Variants in FAR1 observed in about 807,000 individuals in gnomAD.
FAR1 encodes fatty acyl-CoA reductase 1.
A neutral mutation model predicts 61.1 loss-of-function variants in FAR1; 22 were observed. The observed-to-expected ratio is 0.36, with a 90% CI of 0.26 to 0.51. The LOEUF (loss-of-function observed/expected upper bound fraction) is 0.51, where lower values mean the gene tolerates loss of function less well. FAR1 is among the 20% of genes least tolerant of loss of function. The pLI is 0.95. For missense variants in FAR1, 359 were observed against 626.9 expected (o/e 0.57, Z 4.56); for synonymous variants, 206 against 209.7 (o/e 0.98, Z 0.15).
chr11:13,710,334 C>A (rs1490143169), intron 4 of FAR1, among the ~76,000 whole-genome samples: 1 of 151,954 alleles, frequency 6.6e-6, no homozygotes, highest in Non-Finnish European at 1.5e-5. Context: ...TAAGAAAAAA[C>A]TTTAACTTGA....
In FAR1 at chr11:13,698,602, G is replaced by T. The variant is rs189988272; in HGVS notation, c.190-1715G>T. 5.5e-4 allele frequency among the ~76,000 whole-genome samples: 84 copies of T among 152,126 alleles called. No individual in the cohort carries two copies. In the East Asian group the frequency reaches 0.014, roughly 25 times the overall value. ...TCCCAGCGCTTTGGGAGGTCAAGGT[G>T]GGGGGATCATGAGGTCAGGAGATCG... On this transcript the variant is annotated intron_variant, in intron 2 of 11. Transcript: ENST00000354817.
chr11:13,718,395 T>C (rs1848576376), intron 9 of FAR1, among the ~76,000 whole-genome samples: 3 of 152,232 alleles, frequency 2.0e-5, no homozygotes, highest in African/African-American at 4.8e-5. Context: ...TAGTACACTT[T>C]CTATATTCCA....
intron 4 of FAR1, 63 bp downstream of exon 4, chr11:13,708,142 T>A: frequency 8.2e-7 from 1 of 1,218,622 alleles, no homozygotes. Context: ...GGCGGGCGGA[T>A]CATGAGGTCA....
Position 13,685,395 on chromosome 11 carries a change from C to T in FAR1, c.-7-9364C>T, listed in dbSNP as rs572655476. 5.0e-5 allele frequency: 9 copies of T among 178,874 alleles called. No individual in the cohort carries two copies. In the South Asian group the frequency reaches 7.0e-4, roughly 14 times the overall value. The allele number at this position is 178,874 out of a possible 1,614,324, so 11.1% of individuals were successfully genotyped here. On this transcript the variant is annotated intron_variant, in intron 1 of 11. Coordinates refer to ENST00000354817, the MANE Select transcript of FAR1 (RefSeq NM_032228.6). Reference sequence around the variant, plus strand: ...GAGAAAAAATATATTCCCAATAAGACGTGTCCAACTGTCCAGATAGTGGTG... The same window carrying T: ...GAGAAAAAATATATTCCCAATAAGATGTGTCCAACTGTCCAGATAGTGGTG...
intron 2 of FAR1, among the ~76,000 whole-genome samples, chr11:13,695,810 T>C (rs1848301425): frequency 6.6e-6 from 1 of 152,240 alleles, no homozygotes; most frequent in Admixed American, 6.5e-5. Context: ...GATAGTTCTT[T>C]GGAATTAATT....
chr11:13,681,697 G>A (rs917348410), intron 1 of FAR1, among the ~76,000 whole-genome samples: 8 of 152,266 alleles, frequency 5.3e-5, no homozygotes, highest in South Asian at 2.1e-4. Flanking sequence ...GCTAAAGTCC[G>A]GAGCTAGAAC....
intron 1 of FAR1, among the ~76,000 whole-genome samples, chr11:13,686,038 C>T (rs1485926296): frequency 4.6e-5 from 7 of 152,272 alleles, no homozygotes; most frequent in Admixed American, 4.6e-4. Flanking sequence ...TGATGTGATG[C>T]CTTGACCTCG....
intron 1 of FAR1, among the ~76,000 whole-genome samples, chr11:13,687,697 G>T (rs913290829): frequency 2.6e-5 from 4 of 152,058 alleles, no homozygotes; most frequent in Non-Finnish European, 2.9e-5. Context: ...AAATTAGTGC[G>T]GCTTTCCTTT....
intron 9 of FAR1, among the ~76,000 whole-genome samples, chr11:13,716,748 A>C (rs1488304602): frequency 1.3e-5 from 2 of 152,072 alleles, no homozygotes; most frequent in Non-Finnish European, 2.9e-5. Context: ...AATCTTCTTA[A>C]ATTTTTTTTC....
At chr11:13,686,846 T>C (rs928305432) in intron 1 of FAR1, among the ~76,000 whole-genome samples, 2 of 152,224 alleles carry the variant, frequency 1.3e-5, no homozygotes, top group Non-Finnish European at 2.9e-5. Context: ...GAGAATACAA[T>C]CATGTTACAA....
chr11:13,679,177 C>T (rs975518018), intron 1 of FAR1, among the ~76,000 whole-genome samples: 2 of 149,946 alleles, frequency 1.3e-5, no homozygotes, highest in African/African-American at 4.9e-5. Flanking sequence ...TTTGGTAGTA[C>T]AGTTAAAATA....
chr11:13,687,121 T>A (rs1439966031), intron 1 of FAR1, among the ~76,000 whole-genome samples: 1 of 152,064 alleles, frequency 6.6e-6, no homozygotes, highest in Non-Finnish European at 1.5e-5. Context: ...TATGTGATAA[T>A]TTTTTTTACA....
intron 3 of FAR1, among the ~76,000 whole-genome samples, chr11:13,705,337 G>A (rs929835049): frequency 6.6e-6 from 1 of 152,006 alleles, no homozygotes; most frequent in Admixed American, 6.6e-5. Context: ...AACTAGCCTG[G>A]CAGAGAGATA....
At chr11:13,724,816 G>T (rs928491895) in intron 10 of FAR1, among the ~76,000 whole-genome samples, 4 of 152,104 alleles carry the variant, frequency 2.6e-5, no homozygotes, top group African/African-American at 9.7e-5. Flanking sequence ...TCTCAGTTTG[G>T]ACTAGCCATA....
At chr11:13,703,257 C>T (rs530569249) in intron 3 of FAR1, among the ~76,000 whole-genome samples, 17 of 152,284 alleles carry the variant, frequency 1.1e-4, no homozygotes, top group African/African-American at 3.9e-4. Flanking sequence ...AATCATGGCT[C>T]ACTGCAGCCT....
rs564179840 is a variant in FAR1, at chr11:13,687,090, T to A, written c.-7-7669T>A. ...AAGTAGCTTTGTATTATGTTTCTCT[T>A]AGTGCATTTATAAATGCAAATATGT... On this transcript the variant is annotated intron_variant, in intron 1 of 11. Transcript: ENST00000354817. Among the ~76,000 whole-genome samples, 30 of 152,322 alleles carry A rather than the reference T, an allele frequency of 2.0e-4. No individual in the cohort carries two copies. In the East Asian group the frequency reaches 5.8e-3, roughly 29 times the overall value.
chr11:13,708,385 T>TTTGGA (rs1240095170), intron 4 of FAR1, among the ~76,000 whole-genome samples: 13 of 149,954 alleles, frequency 8.7e-5, no homozygotes, highest in Non-Finnish European at 1.8e-4. Flanking sequence ...AAAAAAAACC[T>TTTGGA]TTGGATTCAA....
chr11:13,679,458 T>C (rs1848102157), intron 1 of FAR1, among the ~76,000 whole-genome samples: 1 of 152,154 alleles, frequency 6.6e-6, no homozygotes, highest in African/African-American at 2.4e-5. Context: ...CTTAACTAAT[T>C]GTTAGAACTA....
At chr11:13,688,356 T>G (rs1050181507) in intron 1 of FAR1, among the ~76,000 whole-genome samples, 6 of 152,182 alleles carry the variant, frequency 3.9e-5, no homozygotes, top group Non-Finnish European at 7.3e-5. Context: ...CAAGCAATCT[T>G]TATTCTGTTA....
Sources: gnomAD v4.1 joint callset for allele counts (sites outside exome capture counted in the v4.1 genomes callset) on GRCh38, gnomAD v4.1.1 for gene constraint, MANE v1.5 for transcripts, NCBI Gene and HGNC (gene_info 2026-07-23, HGNC 2026-07-21) for gene names.